GTF2H1: variants seen among roughly 807,000 people sequenced by gnomAD.
The protein encoded by GTF2H1 is general transcription factor IIH subunit 1.
GTF2H1 carries 16 observed loss-of-function variants against 71.2 expected under a neutral mutation model. That is an observed-to-expected ratio of 0.22 (90% CI 0.15 to 0.34). The LOEUF (loss-of-function observed/expected upper bound fraction) is 0.34. GTF2H1 is among the 10% of genes least tolerant of loss of function. GTF2H1 has a pLI of 1.00. For synonymous variants in GTF2H1, 215 were observed against 219.0 expected (o/e 0.98, Z 0.16); for missense variants, 498 against 648.2 (o/e 0.77, Z 2.52).
intron 4 of GTF2H1, among the ~76,000 whole-genome samples, 162 bp downstream of exon 4, chr11:18,338,436 ATGTTTGTT>A (rs111946613): frequency 2.6e-5 from 4 of 151,088 alleles, no homozygotes; most frequent in South Asian, 2.1e-4. Context: ...TATTATTATT[ATGTTTGTT>A]TGTTTGTTTG....
Position 18,335,826 on chromosome 11 carries a change from A to C in GTF2H1, c.227A>C (p.Asn76Thr). 6.2e-7 allele frequency: 1 copy of C among 1,613,994 alleles called. No homozygotes were observed. The highest frequency in any genetic ancestry group is 8.5e-7 in the Non-Finnish European group (1 of 1,179,842). Reference sequence around the variant, plus strand: ...GTCCTACATGCAGGGGACACAACTAACTTCCATTTTTCCAATGAAAGCACA... The same window carrying C: ...GTCCTACATGCAGGGGACACAACTACCTTCCATTTTTCCAATGAAAGCACA... ...QLVLHAGDTT[N>T]FHFSNESTAV... Residue 76 changes from asparagine (N) to threonine (T), a missense_variant, in exon 3 of 15, where the codon AAC becomes ACC. By Grantham distance (65) the Asn-to-Thr change is moderately conservative. Coordinates refer to ENST00000265963, the MANE Select transcript of GTF2H1 (RefSeq NM_005316.4).
intron 3 of GTF2H1, among the ~76,000 whole-genome samples, chr11:18,336,149 C>T (rs555636008): frequency 2.0e-5 from 3 of 150,910 alleles, no homozygotes; most frequent in South Asian, 2.2e-4. Context: ...TTTTTTGAGA[C>T]GGAGTTTCGC....
At position 18,331,345 on chromosome 11, in the gene GTF2H1, C is replaced by G. The variant is rs371634233; in HGVS notation, c.-15-1715C>G. On this transcript the variant is annotated intron_variant, in intron 1 of 14. Coordinates refer to ENST00000265963, the MANE Select transcript of GTF2H1 (RefSeq NM_005316.4). ...TGCTGGGATTATAGACAGGAGCCAC[C>G]GTGCCCAGCCATATTTATTAATCTT... Among the ~76,000 whole-genome samples, 23 of 152,012 alleles carry G rather than the reference C, an allele frequency of 1.5e-4. 1 individual carries two copies. Among genetic ancestry groups the G allele is most frequent in the Non-Finnish European group, 1.5e-5 (1 of 67,982 alleles).
intron 1 of GTF2H1, among the ~76,000 whole-genome samples, chr11:18,324,960 A>G (rs1008145148): frequency 3.3e-5 from 5 of 152,200 alleles, no homozygotes; most frequent in Non-Finnish European, 7.3e-5. Context: ...TGTCTGTGAA[A>G]TTATCCTTAA....
chr11:18,324,589 G>A lies in GTF2H1; in HGVS notation c.-16+1849G>A, dbSNP rs1590177147. On this transcript the variant is annotated intron_variant, in intron 1 of 14. Transcript: ENST00000265963. ...TTTTATTCCCTACCATCAGAATGTT[G>A]TCTGGCATACCTTGAGCTTTCCTAG... Among the ~76,000 whole-genome samples, 9 of 152,236 alleles carry A rather than the reference G, an allele frequency of 5.9e-5. No homozygotes were observed. The South Asian group carries it at 1.9e-3, about 32-fold the overall frequency.
intron 7 of GTF2H1, among the ~76,000 whole-genome samples, chr11:18,342,114 G>GA (rs1865170527): frequency 1.3e-5 from 2 of 152,078 alleles, no homozygotes; most frequent in African/African-American, 4.8e-5. Flanking sequence ...TACTTGCAGA[G>GA]AAAGAGATGG....
chr11:18,349,778 A>C (rs1865384420), intron 9 of GTF2H1, among the ~76,000 whole-genome samples: 1 of 152,228 alleles, frequency 6.6e-6, no homozygotes, highest in Non-Finnish European at 1.5e-5. Context: ...ATAAACTCAT[A>C]AGTTGCAAAT....
chr11:18,335,770 A>G lies in GTF2H1; in HGVS notation c.171A>G (p.Pro57=). The G allele has an allele frequency of 6.2e-7, 1 of 1,613,792 alleles. No homozygotes were observed. The highest frequency in any genetic ancestry group is 2.2e-5 in the East Asian group (1 of 44,888). Residue 57 remains proline (P), a synonymous_variant, in exon 3 of 15, where the codon CCA becomes CCG. Coordinates refer to ENST00000265963, the MANE Select transcript of GTF2H1 (RefSeq NM_005316.4). The part of the protein sequence containing the change: ...YADIKCQKIS[P]EGKAKIQLQL... ...TCTTTTTAGGCCAGAAAATTAGTCC[A>G]GAAGGAAAAGCTAAAATTCAGCTTC...
chr11:18,342,590 T>TA, intron 7 of GTF2H1, among the ~76,000 whole-genome samples: 1 of 152,258 alleles, frequency 6.6e-6, no homozygotes, highest in South Asian at 2.1e-4. Context: ...ACTTTGATCA[T>TA]ACAGTGAGTT....
intron 9 of GTF2H1, chr11:18,348,646 A>T (rs149251753): frequency 6.6e-6 from 1 of 152,364 alleles, no homozygotes; most frequent in East Asian, 1.9e-4. Flanking sequence ...TGTTGCATTA[A>T]TACAATAGAG....
intron 1 of GTF2H1, among the ~76,000 whole-genome samples, chr11:18,331,787 T>C (rs1015969485): frequency 2.0e-5 from 3 of 152,162 alleles, no homozygotes; most frequent in African/African-American, 7.2e-5. Context: ...CTAATACTTA[T>C]TTTCCCATTA....
Position 18,341,399 on chromosome 11 carries a change from T to G in GTF2H1, c.746T>G (p.Ile249Arg). The G allele has an allele frequency of 1.2e-6, 2 of 1,613,760 alleles. No homozygotes were observed. Among genetic ancestry groups the G allele is most frequent in the Non-Finnish European group, 1.7e-6 (2 of 1,179,890 alleles). The change falls in exon 6 of 15, where the codon ATA (isoleucine) becomes AGA (arginine). Residue 249 changes from isoleucine to arginine, a missense_variant. By Grantham distance (97) the Ile-to-Arg change is moderately conservative. Coordinates refer to ENST00000265963, the MANE Select transcript of GTF2H1 (RefSeq NM_005316.4). ...SKDLFAECAK[I>R]DEKGLKTMVS... Reference sequence around the variant, plus strand: ...GATCTCTTTGCAGAATGTGCCAAAATAGATGAAAAAGGTAACTGTTTATCT... The same window carrying G: ...GATCTCTTTGCAGAATGTGCCAAAAGAGATGAAAAAGGTAACTGTTTATCT...
intron 9 of GTF2H1, 96 bp downstream of exon 9, chr11:18,348,015 G>C (rs1414232138): frequency 3.7e-6 from 3 of 815,344 alleles, no homozygotes; most frequent in Non-Finnish European, 6.4e-6. Context: ...CTGTGACTCA[G>C]TTCTTCTAAC....
chr11:18,355,345 G>C (rs867285524), intron 11 of GTF2H1, among the ~76,000 whole-genome samples: 1 of 151,248 alleles, frequency 6.6e-6, no homozygotes, highest in Non-Finnish European at 1.5e-5. Flanking sequence ...GGGTTTCACC[G>C]TGTTAGCCAG....
chr11:18,348,028 A>G, intron 9 of GTF2H1, 109 bp downstream of exon 9: 1 of 790,006 alleles, frequency 1.3e-6, no homozygotes. Context: ...CTTCTAACTA[A>G]GATGTTAAGC....
intron 11 of GTF2H1, among the ~76,000 whole-genome samples, chr11:18,353,342 T>C (rs932930300): frequency 2.0e-5 from 3 of 152,256 alleles, no homozygotes; most frequent in African/African-American, 7.2e-5. Flanking sequence ...TTGTCTGGCC[T>C]GCAAAACTCT....
chr11:18,333,637 A>G (rs1299883146), intron 2 of GTF2H1: 2 of 154,482 alleles, frequency 1.3e-5, no homozygotes, highest in African/African-American at 4.8e-5. Flanking sequence ...CCTGTTTAAT[A>G]GTTGATGTGT....
chr11:18,342,991 G>A (rs1488560681), intron 7 of GTF2H1, among the ~76,000 whole-genome samples: 2 of 152,052 alleles, frequency 1.3e-5, no homozygotes, highest in Non-Finnish European at 2.9e-5. Context: ...GCCTGAGCTC[G>A]GCTCACTGCA....
intron 11 of GTF2H1, among the ~76,000 whole-genome samples, chr11:18,353,443 A>G (rs531389648): frequency 3.3e-5 from 5 of 152,256 alleles, no homozygotes; most frequent in Admixed American, 1.3e-4. Flanking sequence ...GTTCCAGCCT[A>G]ACACACTAAG....
Sources: gnomAD v4.1 joint callset for allele counts (sites outside exome capture counted in the v4.1 genomes callset) on GRCh38, gnomAD v4.1.1 for gene constraint, MANE v1.5 for transcripts, NCBI Gene and HGNC (gene_info 2026-07-23, HGNC 2026-07-21) for gene names.